Variants in SBNO2 observed in about 807,000 individuals in gnomAD.
SBNO2 encodes the protein strawberry notch homolog 2.
Under a neutral mutation model 146.3 loss-of-function variants are expected in SBNO2, and 89 were observed. That is an observed-to-expected ratio of 0.61 (90% CI 0.51 to 0.73). The LOEUF is 0.73. Among genes scored for constraint, SBNO2 ranks in the 30% least tolerant of loss-of-function variants. SBNO2 has a pLI of 0.00. For synonymous variants in SBNO2, 1,147 were observed against 892.6 expected (o/e 1.29, Z -5.08); for missense variants, 2,092 against 2,003.7 (o/e 1.04, Z -0.84).
chr19:1,153,830 G>A (rs1021197160), intron 2 of SBNO2, among the ~76,000 whole-genome samples: 3 of 152,208 alleles, frequency 2.0e-5, no homozygotes, highest in Admixed American at 1.3e-4. Flanking sequence ...GAGCCACTTG[G>A]CCAGAAACAT....
At chr19:1,151,074 C>T (rs1419993081) in intron 2 of SBNO2, among the ~76,000 whole-genome samples, 1 of 152,258 alleles carries the variant, frequency 6.6e-6, no homozygotes, top group East Asian at 1.9e-4. Context: ...CCCGGGTCTC[C>T]TGATCCTTCC....
At chr19:1,149,887 C>T (rs998369801) in intron 2 of SBNO2, among the ~76,000 whole-genome samples, 1 of 152,200 alleles carries the variant, frequency 6.6e-6, no homozygotes, top group African/African-American at 2.4e-5. Context: ...GTGTCGGGGG[C>T]TCCTCGGGCA....
Position 1,110,749 on chromosome 19 carries a change from G to A in SBNO2, c.3024C>T (p.Ile1008=), listed in dbSNP as rs1420996351. The A allele has an allele frequency of 1.9e-6, 3 of 1,613,582 alleles. No homozygotes were observed. Among genetic ancestry groups the A allele is most frequent in the Admixed American group, 1.7e-5 (1 of 59,984 alleles). The change falls in exon 26 of 32, where the codon ATC becomes ATT. Residue 1008 remains isoleucine, a synonymous_variant. Transcript: ENST00000361757. The surrounding 1 kb of genome is among the most constrained non-coding windows in gnomAD (Gnocchi z 4.9). The stretch of plus-strand genomic sequence containing the variant: ...CACCCCGGCACCTGTGCTCACCCAG[G>A]ATGCCCATGTCGTATTTGCCCTCCC... ...DKREGKYDMG[I]LDLAPGIEEI... is the part of the protein sequence containing the mutation.
rs925884373 is a variant in SBNO2 at position 1,136,042 on chromosome 19, C to T, written c.280-8277G>A. On this transcript the variant is annotated intron_variant, in intron 4 of 31. Transcript: ENST00000361757. The surrounding 1 kb of genome is among the most constrained non-coding windows in gnomAD (Gnocchi z 4.2). ...TTAAAAAAAAAAAGGCCGCACTGGCCGAGCGGGTGTTCTGTGCCTGGTGTC... is the reference window on the plus strand; with the variant it reads ...TTAAAAAAAAAAAGGCCGCACTGGCTGAGCGGGTGTTCTGTGCCTGGTGTC... Among the ~76,000 whole-genome samples the T allele has an allele frequency of 7.9e-5, 12 of 152,034 alleles. No individual in the cohort carries two copies. Among genetic ancestry groups the T allele is most frequent in the African/African-American group, 2.7e-4 (11 of 41,408 alleles).
Position 1,163,516 on chromosome 19 carries a change from G to C in SBNO2, c.-126-9114C>G, listed in dbSNP as rs540844258. On this transcript the variant is annotated intron_variant, in intron 1 of 31. Coordinates refer to ENST00000361757, the MANE Select transcript of SBNO2 (RefSeq NM_014963.3). Reference sequence around the variant, plus strand: ...AGGGAGGAGGCTGCTCCAGCCCTGAGCCCCACGCGACTCCCGTGAGCACGA... The same window carrying C: ...AGGGAGGAGGCTGCTCCAGCCCTGACCCCCACGCGACTCCCGTGAGCACGA... 1.8e-3 allele frequency among the ~76,000 whole-genome samples: 279 copies of C among 152,334 alleles called. 1 individual carries two copies. The highest frequency in any genetic ancestry group is 6.6e-3 in the African/African-American group (275 of 41,572).
chr19:1,120,211 CA>C, intron 11 of SBNO2, 188 bp from the exon 12 acceptor site: 1 of 593,448 alleles, frequency 1.7e-6, no homozygotes, highest in South Asian at 2.0e-5. Context: ...AGGCGGCCCC[CA>C]CACGACCATT....
In SBNO2 at chr19:1,109,204, G is replaced by C; in HGVS notation, c.3356C>G (p.Ala1119Gly). ...SLRRKFHRVTAEEAKEPWESG... is the reference protein window; with the variant it reads ...SLRRKFHRVTGEEAKEPWESG... ...CTCCCAGGGCTCCTTGGCCTCCTCC[G>C]CGGTGACCTAGGGACACAGGGCCGC... Residue 1119 changes from alanine (A) to glycine (G), a missense_variant, in exon 30 of 32, where the codon GCG becomes GGG. Ala to Gly is a moderately conservative substitution (Grantham distance 60). Coordinates refer to ENST00000361757, the MANE Select transcript of SBNO2 (RefSeq NM_014963.3). This position sits in a 1 kb window ranked among gnomAD's most constrained non-coding sequence, Gnocchi z 4.2. 3 of 1,566,534 alleles carry C rather than the reference G, an allele frequency of 1.9e-6. No homozygotes were observed. Among genetic ancestry groups the C allele is most frequent in the Non-Finnish European group, 2.6e-6 (3 of 1,156,766 alleles).
Position 1,109,227 on chromosome 19 carries a change from C to A in SBNO2, c.3349-16G>T. The A allele has an allele frequency of 6.4e-7, 1 of 1,569,892 alleles. No homozygotes were observed. Among genetic ancestry groups the A allele is most frequent in the Non-Finnish European group, 8.6e-7 (1 of 1,158,284 alleles). On this transcript the variant is annotated splice_polypyrimidine_tract_variant and intron_variant, in intron 29 of 31. Transcript: ENST00000361757. This position sits in a 1 kb window ranked among gnomAD's most constrained non-coding sequence, Gnocchi z 4.2. ...CCGCGGTGACCTAGGGACACAGGGC[C>A]GCATGAGCCTGGGCGGGGTCAGGGC...
intron 17 of SBNO2, 96 bp from the exon 18 acceptor site, chr19:1,114,518 G>C: frequency 9.4e-7 from 1 of 1,061,262 alleles, no homozygotes; most frequent in East Asian, 2.9e-5. Context: ...CCAGTGGTCC[G>C]AGCTGGGGAG....
rs781382433 is a variant in SBNO2, at chr19:1,109,653, G to A, written c.3123+30C>T. 3 of 1,603,242 alleles carry A rather than the reference G, an allele frequency of 1.9e-6. No homozygotes were observed. The South Asian group carries it at 3.3e-5, about 18-fold the overall frequency. On this transcript the variant is annotated intron_variant, in intron 27 of 31. Transcript: ENST00000361757. The surrounding 1 kb of genome is among the most constrained non-coding windows in gnomAD (Gnocchi z 4.2). Reference sequence around the variant, plus strand: ...GTGTGGTGGGGGCGGGGTGGGCAGAGTGTGAGGGGCTGTGGGGCTTCCTGC... The same window carrying A: ...GTGTGGTGGGGGCGGGGTGGGCAGAATGTGAGGGGCTGTGGGGCTTCCTGC...
intron 5 of SBNO2, 65 bp downstream of exon 5, chr19:1,127,539 G>A: frequency 6.7e-7 from 1 of 1,485,946 alleles, no homozygotes; most frequent in East Asian, 2.3e-5. Flanking sequence ...TGGACCGTGT[G>A]GGTCCCGGGC....
In SBNO2 at chr19:1,174,193, G is replaced by C. The variant is rs1391187038; in HGVS notation, c.-148C>G. On this transcript the variant is annotated 5_prime_UTR_variant, in exon 1 of 32. Coordinates refer to ENST00000361757, the MANE Select transcript of SBNO2 (RefSeq NM_014963.3). ...TCACCTCGGGCCCGGGTCCGGCCGG[G>C]CGCGGAGCCCGCGGCGCCTGTTTCT... is the stretch of plus-strand genomic sequence containing the variant. The C allele has an allele frequency of 6.6e-6, 1 of 151,944 alleles. No individual in the cohort carries two copies. Among genetic ancestry groups the C allele is most frequent in the Admixed American group, 6.5e-5 (1 of 15,270 alleles). The allele number at this position is 151,944 out of a possible 1,614,324, so 9.4% of individuals were successfully genotyped here.
Position 1,147,432 on chromosome 19 carries a change from TGGGG to T in SBNO2, c.168-16_168-13del. On this transcript the variant is annotated splice_polypyrimidine_tract_variant and intron_variant, in intron 3 of 31. Transcript: ENST00000361757. ...AGCTCATGAACGGGCTGGAGGGAGA[TGGGG>T]GGGGGGGAGGTGAGATGGGGTGCTC... The T allele has an allele frequency of 6.8e-5, 45 of 659,914 alleles. No individual in the cohort carries two copies. Among genetic ancestry groups the T allele is most frequent in the Middle Eastern group, 4.5e-4 (1 of 2,216 alleles). 40.9% of individuals were successfully genotyped at this position (659,914 alleles called of 1,614,324 possible).
intron 4 of SBNO2, among the ~76,000 whole-genome samples, chr19:1,132,886 C>CAAGT (rs2080047178): frequency 6.6e-6 from 1 of 152,246 alleles, no homozygotes; most frequent in Non-Finnish European, 1.5e-5. Context: ...TGGGCAGGAA[C>CAAGT]AAGTGGTAGC....
intron 1 of SBNO2, chr19:1,168,773 A>C (rs2080450097): frequency 6.6e-6 from 1 of 152,174 alleles, no homozygotes; most frequent in Admixed American, 6.5e-5. Context: ...GCGGGCAGGG[A>C]CTTTCTCCGT....
At position 1,112,586 on chromosome 19, in the gene SBNO2, A is replaced by C; in HGVS notation, c.2380-49T>G. 6.5e-7 allele frequency: 1 copy of C among 1,527,882 alleles called. No homozygotes were observed. Among genetic ancestry groups the C allele is most frequent in the African/African-American group, 1.4e-5 (1 of 73,150 alleles). 94.6% of individuals were successfully genotyped at this position (1,527,882 alleles called of 1,614,324 possible). ...ACACGGTTGGTGCAAGGCCCGCCCC[A>C]GCGTTGCCGCCACCTCCTCACCCAC... On this transcript the variant is annotated intron_variant, in intron 20 of 31. Transcript: ENST00000361757. The surrounding 1 kb of genome is among the most constrained non-coding windows in gnomAD (Gnocchi z 5.9).
chr19:1,128,783 T>C (rs898752042), intron 4 of SBNO2, among the ~76,000 whole-genome samples: 5 of 151,110 alleles, frequency 3.3e-5, no homozygotes, highest in Non-Finnish European at 7.4e-5. Flanking sequence ...GCCTGGACAA[T>C]ATGGCAAAAC....
At chr19:1,115,893 G>T in intron 17 of SBNO2, 128 bp downstream of exon 17, 1 of 778,514 alleles carries the variant, frequency 1.3e-6, no homozygotes, top group Non-Finnish European at 2.2e-6. Flanking sequence ...GAGCCTGCCT[G>T]GCACGGACAG....
At chr19:1,145,593 T>C (rs1447405101) in intron 4 of SBNO2, among the ~76,000 whole-genome samples, 1 of 151,852 alleles carries the variant, frequency 6.6e-6, no homozygotes, top group Non-Finnish European at 1.5e-5. Flanking sequence ...GGGCTGGGGC[T>C]GGTAGGAAGG....
Sources: allele counts gnomAD v4.1 joint callset (sites outside exome capture counted in the v4.1 genomes callset), GRCh38; gene constraint gnomAD v4.1.1; non-coding constraint Gnocchi (gnomAD v3.1); transcripts MANE v1.5; gene names NCBI Gene and HGNC (gene_info 2026-07-23, HGNC 2026-07-21).